Variants in MB21D2 observed in about 807,000 individuals in gnomAD.
MB21D2 encodes the protein Mab-21 domain containing 2, also known as nucleotidyltransferase MB21D2.
A neutral mutation model predicts 33.3 loss-of-function variants in MB21D2; 9 were observed. The ratio of observed to expected loss-of-function variants is 0.27; its 90% CI spans 0.16 to 0.47. The LOEUF is 0.47. Ranked by LOEUF, MB21D2 falls within the 20% of genes least tolerant of loss-of-function variation. The probability of loss-of-function intolerance (pLI) is 0.99; values close to 1 mark genes in which losing one functional copy is unlikely to be tolerated. For synonymous variants in MB21D2, 241 were observed against 236.3 expected (o/e 1.02, Z -0.18); for missense variants, 540 against 624.6 (o/e 0.86, Z 1.44).
Position 192,876,706 on chromosome 3 carries a change from C to A in MB21D2, c.211+40924G>T, listed in dbSNP as rs9843774. ...TATACTAAGCTTCCTGTGGCTCCCC[C>A]AGGAGCCATGTTTTCCCTGGGTTCA... On this transcript the variant is annotated intron_variant, in intron 1 of 1. Transcript: ENST00000392452. 5.3e-5 allele frequency among the ~76,000 whole-genome samples: 8 copies of A among 151,978 alleles called. No homozygotes were observed. In the East Asian group the frequency reaches 5.8e-4, roughly 11 times the overall value.
intron 1 of MB21D2, among the ~76,000 whole-genome samples, chr3:192,874,725 C>T (rs915879385): frequency 1.3e-5 from 2 of 152,162 alleles, no homozygotes; most frequent in Non-Finnish European, 2.9e-5. Flanking sequence ...TTTCTAGTAG[C>T]GTCCAGCCAG....
chr3:192,883,882 G>A (rs749964351), intron 1 of MB21D2, among the ~76,000 whole-genome samples: 1 of 152,066 alleles, frequency 6.6e-6, no homozygotes, highest in Non-Finnish European at 1.5e-5. Context: ...GAGTCTTTTA[G>A]TCAATTTAAA....
At chr3:192,862,543 CATG>C (rs1180413652) in intron 1 of MB21D2, among the ~76,000 whole-genome samples, 1 of 152,092 alleles carries the variant, frequency 6.6e-6, no homozygotes, top group Non-Finnish European at 1.5e-5. Flanking sequence ...GTCAAGATTC[CATG>C]ATAAGAACAA....
At chr3:192,850,014 A>G (rs1712765109) in intron 1 of MB21D2, among the ~76,000 whole-genome samples, 1 of 149,658 alleles carries the variant, frequency 6.7e-6, no homozygotes. Context: ...TGCCTGCTGG[A>G]TTCAAGCAAT....
At chr3:192,846,526 C>T (rs1359243252) in intron 1 of MB21D2, among the ~76,000 whole-genome samples, 1 of 152,146 alleles carries the variant, frequency 6.6e-6, no homozygotes, top group African/African-American at 2.4e-5. Flanking sequence ...ACAAATCCAC[C>T]CCACAGGGTC....
At chr3:192,865,065 A>C (rs936968802) in intron 1 of MB21D2, among the ~76,000 whole-genome samples, 2 of 152,214 alleles carry the variant, frequency 1.3e-5, no homozygotes, top group African/African-American at 4.8e-5. Flanking sequence ...CCTACAGAGA[A>C]GGGAGAGGCT....
chr3:192,904,963 G>GC (rs1204891048), intron 1 of MB21D2, among the ~76,000 whole-genome samples: 1 of 152,200 alleles, frequency 6.6e-6, no homozygotes, highest in African/African-American at 2.4e-5. Context: ...GGCACCATAT[G>GC]CCCGTAGGAT....
chr3:192,851,116 A>C (rs1309262336), intron 1 of MB21D2, among the ~76,000 whole-genome samples: 1 of 152,222 alleles, frequency 6.6e-6, no homozygotes, highest in Non-Finnish European at 1.5e-5. Flanking sequence ...AACATAGAAC[A>C]CACTCAAGAT....
chr3:192,868,169 C>T (rs1327653926), intron 1 of MB21D2, among the ~76,000 whole-genome samples: 1 of 152,234 alleles, frequency 6.6e-6, no homozygotes, highest in Admixed American at 6.5e-5. Context: ...CCTAACAACT[C>T]TGATTCTGTG....
chr3:192,880,067 G>A (rs1051782146), intron 1 of MB21D2, among the ~76,000 whole-genome samples: 5 of 152,082 alleles, frequency 3.3e-5, no homozygotes, highest in Admixed American at 6.5e-5. Context: ...CAATAAGGAC[G>A]GGCGCAGTGG....
At chr3:192,810,799 TTC>T (rs1302739006) in intron 1 of MB21D2, among the ~76,000 whole-genome samples, 1 of 152,220 alleles carries the variant, frequency 6.6e-6, no homozygotes, top group Non-Finnish European at 1.5e-5. Context: ...ATAACCACCA[TTC>T]TCATATCTAA....
intron 1 of MB21D2, among the ~76,000 whole-genome samples, chr3:192,898,989 T>G (rs2108650517): frequency 6.6e-6 from 1 of 152,158 alleles, no homozygotes; most frequent in Middle Eastern, 3.4e-3. Flanking sequence ...GAAATGAGAG[T>G]AAGAGCTTCT....
At chr3:192,860,363 T>C (rs983785893) in intron 1 of MB21D2, among the ~76,000 whole-genome samples, 1 of 152,234 alleles carries the variant, frequency 6.6e-6, no homozygotes, top group African/African-American at 2.4e-5. Context: ...ATTATTTTAT[T>C]TTGTTTATTT....
chr3:192,874,572 C>T lies in MB21D2; in HGVS notation c.211+43058G>A, dbSNP rs151300129. 7.7e-3 allele frequency among the ~76,000 whole-genome samples: 1,169 copies of T among 152,282 alleles called. 12 individuals are homozygous for T. The highest frequency in any genetic ancestry group is 0.027 in the African/African-American group (1,110 of 41,538). On this transcript the variant is annotated intron_variant, in intron 1 of 1. Coordinates refer to ENST00000392452, the MANE Select transcript of MB21D2 (RefSeq NM_178496.4). ...TGTATAGTTGCTTATCCAGTGCTTC[C>T]TGTCAAAACGCCCTTAAAAATAACT...
intron 1 of MB21D2, among the ~76,000 whole-genome samples, chr3:192,835,006 C>T (rs1293325218): frequency 1.3e-5 from 2 of 150,658 alleles, no homozygotes; most frequent in Non-Finnish European, 1.5e-5. Context: ...GACAGGGTTT[C>T]ACCATGTTGG....
chr3:192,824,030 A>G (rs894404488), intron 1 of MB21D2, among the ~76,000 whole-genome samples: 2 of 152,198 alleles, frequency 1.3e-5, no homozygotes, highest in African/African-American at 4.8e-5. Context: ...GTTTTGTAAT[A>G]CATCCAGCTT....
At chr3:192,802,942 A>G (rs889070961) in intron 1 of MB21D2, among the ~76,000 whole-genome samples, 4 of 152,228 alleles carry the variant, frequency 2.6e-5, no homozygotes, top group Non-Finnish European at 5.9e-5. Context: ...TCTTAGGCGT[A>G]ACTAACTCAA....
chr3:192,869,234 C>T (rs1009219964), intron 1 of MB21D2, among the ~76,000 whole-genome samples: 12 of 131,270 alleles, frequency 9.1e-5, no homozygotes, highest in Middle Eastern at 4.3e-3. Context: ...CCAGCCTCGG[C>T]GACAGAGTGA....
In MB21D2 at chr3:192,798,622, C is replaced by T. The variant is rs953443071; in HGVS notation, c.1240G>A (p.Ala414Thr). The T allele has an allele frequency of 1.2e-5, 20 of 1,613,848 alleles. No homozygotes were observed. The highest frequency in any genetic ancestry group is 1.6e-5 in the Non-Finnish European group (19 of 1,180,034). The change falls in exon 2 of 2, where the codon GCC becomes ACC. Residue 414 changes from alanine (A) to threonine (T), a missense_variant. Coordinates refer to ENST00000392452, the MANE Select transcript of MB21D2 (RefSeq NM_178496.4). This position sits in a 1 kb window ranked among gnomAD's most constrained non-coding sequence, Gnocchi z 4.8. ...TTGGCTGCCTTGACATGCTCAATGGCGGTGCGCAAGTGCTCTGCCGGGTCT... is the reference window on the plus strand; with the variant it reads ...TTGGCTGCCTTGACATGCTCAATGGTGGTGCGCAAGTGCTCTGCCGGGTCT... ...RSDPAEHLRT[A>T]IEHVKAANRL...
Sources: gnomAD v4.1 joint callset for allele counts (sites outside exome capture counted in the v4.1 genomes callset) on GRCh38, gnomAD v4.1.1 for gene constraint, Gnocchi (gnomAD v3.1) non-coding constraint, MANE v1.5 for transcripts, NCBI Gene and HGNC (gene_info 2026-07-23, HGNC 2026-07-21) for gene names.